The following MAGI1 variants were observed in gnomAD, a reference collection of about 807,000 sequenced individuals.
MAGI1 encodes the protein membrane associated guanylate kinase, WW and PDZ domain containing 1.
In MAGI1, 58 loss-of-function variants were observed where a neutral mutation model predicts 139.9. The ratio of observed to expected loss-of-function variants is 0.41; its 90% CI spans 0.34 to 0.52. The LOEUF (loss-of-function observed/expected upper bound fraction) is 0.52, where lower values mean the gene tolerates loss of function less well. Ranked by LOEUF, MAGI1 falls within the 20% of genes least tolerant of loss-of-function variation. MAGI1 has a pLI of 0.12. For missense variants in MAGI1, 1,874 were observed against 1,901.6 expected (o/e 0.99, Z 0.27); for synonymous variants, 812 against 737.9 (o/e 1.10, Z -1.63).
intron 12 of MAGI1, among the ~76,000 whole-genome samples, chr3:65,406,974 A>G (rs1295828632): frequency 1.3e-5 from 2 of 152,216 alleles, no homozygotes; most frequent in Non-Finnish European, 2.9e-5. Context: ...CTCAGACCAC[A>G]TGAGCCTTCT....
chr3:65,556,830 A>C (rs1423287984), intron 2 of MAGI1, among the ~76,000 whole-genome samples: 1 of 152,182 alleles, frequency 6.6e-6, no homozygotes, highest in East Asian at 1.9e-4. Flanking sequence ...TATGACCTAA[A>C]AGGACATGTC....
At chr3:65,492,426 C>G (rs952077420) in intron 3 of MAGI1, among the ~76,000 whole-genome samples, 1 of 152,188 alleles carries the variant, frequency 6.6e-6, no homozygotes, top group Non-Finnish European at 1.5e-5. Context: ...GAAACTGACT[C>G]AAATATTTGT....
At chr3:65,367,271 C>G (rs1327251765) in intron 18 of MAGI1, among the ~76,000 whole-genome samples, 1 of 152,160 alleles carries the variant, frequency 6.6e-6, no homozygotes, top group Non-Finnish European at 1.5e-5. Context: ...GTTTTCTGAG[C>G]AGATCAGATT....
chr3:65,544,334 G>A (rs1241261455), intron 2 of MAGI1, among the ~76,000 whole-genome samples: 1 of 152,092 alleles, frequency 6.6e-6, no homozygotes, highest in African/African-American at 2.4e-5. Flanking sequence ...GCTAGTCAAC[G>A]TATCACTCAA....
intron 2 of MAGI1, among the ~76,000 whole-genome samples, chr3:65,621,151 TAGAG>T (rs1314367725): frequency 1.3e-5 from 2 of 152,140 alleles, no homozygotes; most frequent in African/African-American, 2.4e-5. Context: ...GACTGGGTGA[TAGAG>T]AGGAGAAAGG....
intron 1 of MAGI1, among the ~76,000 whole-genome samples, chr3:65,782,787 A>T (rs1403273849): frequency 1.3e-5 from 2 of 151,996 alleles, no homozygotes; most frequent in African/African-American, 4.8e-5. Flanking sequence ...TTTGCAATAT[A>T]AGTGTTATCT....
At chr3:65,961,076 C>T (rs556741422) in intron 1 of MAGI1, among the ~76,000 whole-genome samples, 32 of 152,252 alleles carry the variant, frequency 2.1e-4, no homozygotes, top group East Asian at 7.7e-4. Context: ...CATGAAATCC[C>T]GGAATAACCT....
intron 1 of MAGI1, among the ~76,000 whole-genome samples, chr3:65,832,241 C>T (rs1237568986): frequency 6.6e-6 from 1 of 152,150 alleles, no homozygotes; most frequent in Admixed American, 6.5e-5. Context: ...CCAATCAGTG[C>T]CTGCAAATGC....
At chr3:66,037,960 T>C in intron 1 of MAGI1, 36 bp downstream of exon 1, 8 of 1,520,014 alleles carry the variant, frequency 5.3e-6, no homozygotes, top group South Asian at 1.3e-5. Flanking sequence ...ACCCTCCTTT[T>C]CTCGGGGCGC....
chr3:65,550,300 A>G (rs2107962262), intron 2 of MAGI1, among the ~76,000 whole-genome samples: 1 of 152,318 alleles, frequency 6.6e-6, no homozygotes, highest in African/African-American at 2.4e-5. Flanking sequence ...CACTCAGCTA[A>G]GAAATGCTGG....
intron 2 of MAGI1, among the ~76,000 whole-genome samples, chr3:65,616,739 T>C (rs1396529158): frequency 6.6e-6 from 1 of 152,196 alleles, no homozygotes; most frequent in African/African-American, 2.4e-5. Flanking sequence ...AACTCTCAAG[T>C]TCATGAGTTA....
chr3:65,837,219 A>G (rs547272099), intron 1 of MAGI1, among the ~76,000 whole-genome samples: 7 of 152,354 alleles, frequency 4.6e-5, no homozygotes, highest in Non-Finnish European at 1.0e-4. Context: ...ACCTCCTGCT[A>G]GAAATAATTC....
At chr3:65,385,925 C>T (rs766468995) in intron 14 of MAGI1, among the ~76,000 whole-genome samples, 5 of 152,124 alleles carry the variant, frequency 3.3e-5, no homozygotes, top group East Asian at 1.9e-4. Context: ...GTTGTGTCTC[C>T]GTCTTTGAGT....
intron 1 of MAGI1, among the ~76,000 whole-genome samples, chr3:65,673,613 T>A (rs1000742031): frequency 6.6e-6 from 1 of 152,176 alleles, no homozygotes; most frequent in African/African-American, 2.4e-5. Flanking sequence ...AGTTTCGTTA[T>A]CTGTGAGGTA....
At chr3:65,871,172 A>G (rs1053332577) in intron 1 of MAGI1, among the ~76,000 whole-genome samples, 1 of 152,076 alleles carries the variant, frequency 6.6e-6, no homozygotes, top group Non-Finnish European at 1.5e-5. Context: ...CCTGGACTCA[A>G]GCAAACCACC....
intron 18 of MAGI1, among the ~76,000 whole-genome samples, chr3:65,371,378 G>A (rs1941973498): frequency 6.6e-6 from 1 of 152,160 alleles, no homozygotes; most frequent in South Asian, 2.1e-4. Context: ...GTGTGCAATG[G>A]CATTATGTTT....
chr3:65,429,120 T>TTA (rs973023276), intron 12 of MAGI1, among the ~76,000 whole-genome samples: 7 of 151,726 alleles, frequency 4.6e-5, no homozygotes, highest in Non-Finnish European at 7.4e-5. Flanking sequence ...TTATTATTTT[T>TTA]TATATATATA....
At chr3:65,662,312 T>C (rs1312439664) in intron 1 of MAGI1, among the ~76,000 whole-genome samples, 2 of 152,138 alleles carry the variant, frequency 1.3e-5, no homozygotes, top group African/African-American at 2.4e-5. Context: ...TAAATGAAAA[T>C]GTACTCATCT....
intron 1 of MAGI1, among the ~76,000 whole-genome samples, chr3:65,638,851 C>A (rs2084806610): frequency 6.6e-6 from 1 of 151,984 alleles, no homozygotes; most frequent in Non-Finnish European, 1.5e-5. Context: ...AGGTGATCCG[C>A]CCACCTCAGC....
Sources: allele counts gnomAD v4.1 joint callset (sites outside exome capture counted in the v4.1 genomes callset), GRCh38; gene constraint gnomAD v4.1.1; transcripts MANE v1.5; gene names NCBI Gene and HGNC (gene_info 2026-07-23, HGNC 2026-07-21).